RALYL: variants seen among roughly 807,000 people sequenced by gnomAD.
The protein encoded by RALYL is RALY RNA binding protein like.
A neutral mutation model predicts 35.1 loss-of-function variants in RALYL; 29 were observed. The observed-to-expected ratio is 0.83, with a 90% CI of 0.61 to 1.13. RALYL has a LOEUF of 1.13. Ranked by LOEUF, RALYL falls within the 50% of genes most tolerant of loss-of-function variation. RALYL has a pLI of 0.00. For synonymous variants in RALYL, 120 were observed against 127.6 expected, an observed-to-expected ratio of 0.94 and a Z score of 0.40; for missense variants, 359 against 360.4, an observed-to-expected ratio of 1.00 and a Z score of 0.03.
At chr8:84,859,616 A>C (rs1387677639) in intron 5 of RALYL, among the ~76,000 whole-genome samples, 1 of 152,170 alleles carries the variant, frequency 6.6e-6, no homozygotes, top group East Asian at 1.9e-4. Context: ...TTAGGAGCCC[A>C]AGTTGGGCAG....
At chr8:84,464,142 G>GTTT (rs71271994) in intron 1 of RALYL, among the ~76,000 whole-genome samples, 8 of 142,958 alleles carry the variant, frequency 5.6e-5, no homozygotes, top group African/African-American at 7.7e-5. Flanking sequence ...TTTTTTTTTT[G>GTTT]TTTTTTTTTT....
At chr8:84,352,159 A>C (rs1851022749) in intron 1 of RALYL, among the ~76,000 whole-genome samples, 1 of 150,258 alleles carries the variant, frequency 6.7e-6, no homozygotes, top group South Asian at 2.1e-4. Context: ...GATATTAAAG[A>C]CTTTTTTTCC....
chr8:84,433,597 A>G (rs1434726883), intron 1 of RALYL, among the ~76,000 whole-genome samples: 1 of 151,666 alleles, frequency 6.6e-6, no homozygotes, highest in African/African-American at 2.4e-5. Context: ...GTCTCACGAG[A>G]TCTGTTGGGT....
intron 2 of RALYL, among the ~76,000 whole-genome samples, chr8:84,552,764 T>C (rs150161172): frequency 2.0e-3 from 305 of 152,120 alleles, no homozygotes; most frequent in African/African-American, 6.9e-3. Context: ...CAACTTCATA[T>C]AATGAAGTGC....
intron 1 of RALYL, among the ~76,000 whole-genome samples, chr8:84,353,366 A>G (rs1017289289): frequency 6.7e-6 from 1 of 150,294 alleles, no homozygotes; most frequent in Non-Finnish European, 1.5e-5. Flanking sequence ...CCCGTGGTAC[A>G]GAAAGTGTTT....
chr8:84,568,565 A>G (rs944443193), intron 2 of RALYL, among the ~76,000 whole-genome samples: 2 of 18 alleles, frequency 0.11, no homozygotes, highest in African/African-American at 0.25. Flanking sequence ...GTATATACCC[A>G]GTAATGAGAG....
At chr8:84,430,046 A>G (rs1002546601) in intron 1 of RALYL, among the ~76,000 whole-genome samples, 4 of 151,788 alleles carry the variant, frequency 2.6e-5, no homozygotes, top group Admixed American at 2.0e-4. Context: ...TTTCTTGGAG[A>G]TAATACAACA....
chr8:84,379,148 G>T (rs1216643335), intron 1 of RALYL, among the ~76,000 whole-genome samples: 1 of 151,906 alleles, frequency 6.6e-6, no homozygotes, highest in Non-Finnish European at 1.5e-5. Context: ...TTTAAATAAA[G>T]TTCAAATTGT....
chr8:84,529,230 C>T (rs1231682823), intron 1 of RALYL, 69 bp from the exon 2 acceptor site: 25 of 1,498,578 alleles, frequency 1.7e-5, no homozygotes, highest in Middle Eastern at 1.7e-4. Flanking sequence ...TAAAAAGCCA[C>T]TGATACCCAT....
chr8:84,763,727 T>C (rs1303937331), intron 2 of RALYL, among the ~76,000 whole-genome samples: 2 of 152,210 alleles, frequency 1.3e-5, no homozygotes, highest in African/African-American at 2.4e-5. Flanking sequence ...AGAAAACTTA[T>C]TCAAGATAAC....
chr8:84,437,520 T>G (rs1404731325), intron 1 of RALYL, among the ~76,000 whole-genome samples: 17 of 152,168 alleles, frequency 1.1e-4, no homozygotes. Context: ...CAGCATCTGT[T>G]GTTTTTTGAC....
At chr8:84,550,185 G>T (rs1275796505) in intron 2 of RALYL, among the ~76,000 whole-genome samples, 1 of 151,694 alleles carries the variant, frequency 6.6e-6, no homozygotes, top group Non-Finnish European at 1.5e-5. Context: ...TCTCAATTTT[G>T]TGTTAATCTG....
chr8:84,773,015 A>G (rs1815927494), intron 2 of RALYL, among the ~76,000 whole-genome samples: 1 of 152,166 alleles, frequency 6.6e-6, no homozygotes, highest in South Asian at 2.1e-4. Context: ...TTCTCTTCCT[A>G]GTTGCTAAGG....
At chr8:84,229,874 T>A (rs1226018949) in intron 1 of RALYL, among the ~76,000 whole-genome samples, 2 of 152,168 alleles carry the variant, frequency 1.3e-5, no homozygotes, top group African/African-American at 4.8e-5. Flanking sequence ...AGTGATTTTC[T>A]CCCCATGATA....
chr8:84,796,484 T>G (rs1821932865), intron 3 of RALYL, among the ~76,000 whole-genome samples: 1 of 152,220 alleles, frequency 6.6e-6, no homozygotes, highest in African/African-American at 2.4e-5. Context: ...ATAAATGAAT[T>G]TTTAAGAATA....
intron 2 of RALYL, among the ~76,000 whole-genome samples, chr8:84,698,943 A>G (rs1330473923): frequency 6.6e-6 from 1 of 152,110 alleles, no homozygotes. Context: ...AACACCTCAG[A>G]ACCGTGTTTT....
intron 1 of RALYL, among the ~76,000 whole-genome samples, chr8:84,452,560 C>T (rs1185698690): frequency 6.6e-6 from 1 of 151,792 alleles, no homozygotes; most frequent in East Asian, 1.9e-4. Flanking sequence ...AAGGGTGACA[C>T]ATTTATAAAT....
intron 1 of RALYL, among the ~76,000 whole-genome samples, chr8:84,350,227 C>T (rs1380874048): frequency 6.7e-6 from 1 of 150,276 alleles, no homozygotes; most frequent in African/African-American, 2.5e-5. Context: ...CTTTATTCCC[C>T]CACATACCCT....
chr8:84,417,241 G>C (rs933573647), intron 1 of RALYL, among the ~76,000 whole-genome samples: 9 of 152,096 alleles, frequency 5.9e-5, no homozygotes, highest in Admixed American at 4.6e-4. Flanking sequence ...TTGGAGACTA[G>C]TGACCTTTTC....
Sources: gnomAD v4.1 joint callset for allele counts (sites outside exome capture counted in the v4.1 genomes callset) on GRCh38, gnomAD v4.1.1 for gene constraint, MANE v1.5 for transcripts, NCBI Gene and HGNC (gene_info 2026-07-23, HGNC 2026-07-21) for gene names.